The following ALDH1L1 variants were observed in gnomAD, a reference collection of about 807,000 sequenced individuals.
ALDH1L1 encodes aldehyde dehydrogenase 1 family member L1.
In ALDH1L1, 68 loss-of-function variants were observed where a neutral mutation model predicts 101.1. That is an observed-to-expected ratio of 0.67 (90% confidence interval 0.55 to 0.82). The LOEUF is 0.82. Ranked by LOEUF, ALDH1L1 falls within the 40% of genes least tolerant of loss-of-function variation. The pLI is 0.00. For synonymous variants in ALDH1L1, 486 were observed against 470.8 expected (o/e 1.03, Z -0.42); for missense variants, 1,087 against 1,172.7 (o/e 0.93, Z 1.07).
intron 1 of ALDH1L1, among the ~76,000 whole-genome samples, chr3:126,171,367 C>T (rs117049869): frequency 6.6e-6 from 1 of 152,238 alleles, no homozygotes; most frequent in East Asian, 1.9e-4. Context: ...AACAGGCACA[C>T]AACTCTCCCT....
intron 1 of ALDH1L1, among the ~76,000 whole-genome samples, chr3:126,179,498 T>TCAAACAAACAAA (rs74555685): frequency 7.1e-4 from 108 of 151,738 alleles, no homozygotes; most frequent in African/African-American, 1.4e-3. Flanking sequence ...AGACTCTGTC[T>TCAAACAAACAAA]CAAACAAACA....
At chr3:126,134,655 C>T (rs1430878985) in intron 12 of ALDH1L1, among the ~76,000 whole-genome samples, 1 of 152,234 alleles carries the variant, frequency 6.6e-6, no homozygotes, top group African/African-American at 2.4e-5. Context: ...TGCTGGGCTG[C>T]CCCGGCTTTT....
intron 14 of ALDH1L1, chr3:126,129,177 C>T (rs1258848718): frequency 6.6e-6 from 1 of 152,322 alleles, no homozygotes; most frequent in Non-Finnish European, 1.5e-5. Context: ...CTCTCTGGGG[C>T]TCTAAGGGTC....
intron 1 of ALDH1L1, among the ~76,000 whole-genome samples, chr3:126,194,098 A>T (rs4679104): frequency 0.44 from 67,123 of 152,016 alleles, 14,970 homozygotes; most frequent in East Asian, 0.52. Context: ...AATGACTTTA[A>T]ATACTAATAG....
rs1252399583 is a variant in ALDH1L1, at chr3:126,137,935, A to G, written c.1102T>C (p.Cys368Arg). Residue 368 changes from cysteine (C) to arginine (R), a missense_variant, in exon 10 of 23, where the codon TGT becomes CGT. Cys to Arg is a radical substitution (Grantham distance 180). This residue lies in a region of ALDH1L1 where 645 missense variants were observed against 637.0 expected (regional missense o/e 1.01). Coordinates refer to ENST00000393434, the MANE Select transcript of ALDH1L1 (RefSeq NM_012190.4). ...TCATTTTCTAACTCCAGGCCATCAC[A>G]CAGCTCCTTCACTTCCTCCACCAGC... ...VRLVEEVKELCDGLELENEDV... is the reference protein window; with the variant it reads ...VRLVEEVKELRDGLELENEDV... The G allele has an allele frequency of 6.2e-7, 1 of 1,614,100 alleles. No homozygotes were observed. Among genetic ancestry groups the G allele is most frequent in the Non-Finnish European group, 8.5e-7 (1 of 1,179,992 alleles).
chr3:126,180,441 G>C (rs1475803511), intron 1 of ALDH1L1, 35 bp downstream of exon 1: 37 of 987,816 alleles, frequency 3.7e-5, no homozygotes, highest in Non-Finnish European at 4.3e-5. Context: ...CCTTTCCGCC[G>C]GGAGTCCAGC....
intron 8 of ALDH1L1, among the ~76,000 whole-genome samples, chr3:126,149,553 T>TA (rs1204586816): frequency 2.0e-5 from 3 of 152,008 alleles, no homozygotes; most frequent in East Asian, 1.9e-4. Context: ...GGATTTTTTT[T>TA]AAACAGACCT....
intron 6 of ALDH1L1, 97 bp from the exon 7 acceptor site, chr3:126,153,678 G>T: frequency 6.8e-7 from 1 of 1,464,270 alleles, no homozygotes; most frequent in Non-Finnish European, 9.1e-7. Flanking sequence ...GAGGGAGAGG[G>T]GCCAGGGGTA....
chr3:126,118,129 T>C, intron 16 of ALDH1L1, 31 bp from the exon 17 acceptor site: 8 of 1,566,748 alleles, frequency 5.1e-6, no homozygotes, highest in Non-Finnish European at 7.0e-6. Flanking sequence ...GGAATCAGAG[T>C]GGTCCCCCTG....
chr3:126,193,961 A>T lies in ALDH1L1; in HGVS notation c.-24+3774T>A, dbSNP rs540536810. On this transcript the variant is annotated intron_variant, in intron 1 of 2. Coordinates refer to the ALDH1L1 transcript ENST00000509952. ...GATTCTAAAGTTATTAGAAACCTGCACTCCAGAGTGCTTTTTAGGGTCCAT... is the reference window on the plus strand; with the variant it reads ...GATTCTAAAGTTATTAGAAACCTGCTCTCCAGAGTGCTTTTTAGGGTCCAT... Among the ~76,000 whole-genome samples, 189 of 152,196 alleles carry T rather than the reference A, an allele frequency of 1.2e-3. 1 individual carries two copies. Among genetic ancestry groups the T allele is most frequent in the African/African-American group, 4.4e-3 (184 of 41,526 alleles).
chr3:126,157,972 G>T lies in ALDH1L1; in HGVS notation c.362+433C>A, dbSNP rs1215886976. On this transcript the variant is annotated intron_variant, in intron 3 of 22. Transcript: ENST00000393434. ...GAGTACCTTGTGGAGGCCATCCTTT[G>T]CTCCATCTTTATCTCTTTCTACGAA... Among the ~76,000 whole-genome samples, 5 of 152,156 alleles carry T rather than the reference G, an allele frequency of 3.3e-5. No homozygotes were observed. The East Asian group carries it at 9.7e-4, about 29-fold the overall frequency.
chr3:126,116,328 G>A (rs112026057), intron 17 of ALDH1L1, among the ~76,000 whole-genome samples: 15 of 151,138 alleles, frequency 9.9e-5, no homozygotes, highest in African/African-American at 3.2e-4. Flanking sequence ...TTTAGCTTCC[G>A]TGTCCCAGGC....
rs1299079356 is a variant in ALDH1L1 at position 126,112,816 on chromosome 3, T to C, written c.2147A>G (p.Glu716Gly). The C allele has an allele frequency of 6.2e-7, 1 of 1,613,678 alleles. No individual in the cohort carries two copies. Among genetic ancestry groups the C allele is most frequent in the South Asian group, 1.1e-5 (1 of 91,080 alleles). ...NCIAAGRLFV[E>G]DSIHDEFVRR... ...CACGAACTCATCATGAATGGAGTCC[T>C]CCACAAAGAGTCGGCCTGCTGCAAT... The change falls in exon 19 of 23, where the codon GAG (glutamate) becomes GGG (glycine). Residue 716 changes from glutamate (E) to glycine (G), a missense_variant. By Grantham distance (98) the Glu-to-Gly change is moderately conservative. Transcript: ENST00000393434.
At chr3:126,117,921 A>C (rs2080005038) in intron 17 of ALDH1L1, 84 bp downstream of exon 17, 1 of 1,327,418 alleles carries the variant, frequency 7.5e-7, no homozygotes. Context: ...CCTGGGAAGC[A>C]GGACACAGCT....
intron 1 of ALDH1L1, among the ~76,000 whole-genome samples, chr3:126,191,272 C>T (rs376118564): frequency 1.3e-4 from 20 of 152,268 alleles, no homozygotes; most frequent in South Asian, 1.2e-3. Flanking sequence ...GTGGGGCTTG[C>T]GTAAAAGTTC....
chr3:126,122,524 A>G (rs1474032054), intron 16 of ALDH1L1, among the ~76,000 whole-genome samples: 2 of 152,226 alleles, frequency 1.3e-5, no homozygotes, highest in Non-Finnish European at 2.9e-5. Flanking sequence ...GAGTCAGATA[A>G]CATATAAACT....
intron 17 of ALDH1L1, among the ~76,000 whole-genome samples, 155 bp downstream of exon 17, chr3:126,117,850 G>T (rs1437394590): frequency 1.3e-5 from 2 of 152,198 alleles, no homozygotes; most frequent in African/African-American, 4.8e-5. Flanking sequence ...CAGAAAGGCA[G>T]ATGCCTCTTC....
upstream of ALDH1L1, chr3:126,181,186 A>C: frequency 1.6e-6 from 1 of 626,590 alleles, no homozygotes; most frequent in Non-Finnish European, 2.8e-6. Flanking sequence ...GGTGCCGCAG[A>C]CCCCTCCTCC....
upstream of ALDH1L1, among the ~76,000 whole-genome samples, chr3:126,183,580 C>G (rs2081493550): frequency 6.6e-6 from 1 of 152,190 alleles, no homozygotes; most frequent in Non-Finnish European, 1.5e-5. Context: ...AAGAGACTTT[C>G]AGGACCCGCC....
Sources: gnomAD v4.1 joint callset for allele counts (sites outside exome capture counted in the v4.1 genomes callset) on GRCh38, gnomAD v4.1.1 for gene constraint, gnomAD v4.1.1 regional missense constraint, MANE v1.5 for transcripts, NCBI Gene and HGNC (gene_info 2026-07-23, HGNC 2026-07-21) for gene names.